The following INSC variants were observed in gnomAD, a reference collection of about 807,000 sequenced individuals.
The protein encoded by INSC is protein inscuteable homolog.
INSC carries 67 observed loss-of-function variants against 58.6 expected under a neutral mutation model. That is an observed-to-expected ratio of 1.14 (90% CI 0.94 to 1.40). The LOEUF (loss-of-function observed/expected upper bound fraction) is 1.40, where lower values mean the gene tolerates loss of function less well. INSC is among the 40% of genes most tolerant of loss of function. The pLI is 0.00. For synonymous variants in INSC, 262 were observed against 276.1 expected (o/e 0.95, Z 0.51); for missense variants, 714 against 692.0 (o/e 1.03, Z -0.36).
the INSC span, among the ~76,000 whole-genome samples, chr11:15,264,800 T>C: frequency 1.3e-5 from 2 of 152,088 alleles, no homozygotes; most frequent in African/African-American, 2.4e-5. Context: ...ATCTGCAAGT[T>C]TTCTTTTGCC....
At chr11:15,240,108 A>T (rs578103534) in intron 11 of INSC, among the ~76,000 whole-genome samples, 34 of 152,296 alleles carry the variant, frequency 2.2e-4, no homozygotes, top group Admixed American at 1.6e-3. Context: ...CCTAGGAAAT[A>T]TTAGTAGAGT....
At chr11:15,207,693 G>T (rs1029885710) in intron 7 of INSC, among the ~76,000 whole-genome samples, 2 of 152,184 alleles carry the variant, frequency 1.3e-5, no homozygotes, top group Non-Finnish European at 2.9e-5. Flanking sequence ...TTTTACAGGG[G>T]TCTGTCTCCA....
intron 7 of INSC, among the ~76,000 whole-genome samples, chr11:15,201,681 A>C (rs2133885321): frequency 6.6e-6 from 1 of 152,330 alleles, no homozygotes; most frequent in East Asian, 1.9e-4. Context: ...CTGGGGAGGC[A>C]GGGGCTGAAA....
chr11:15,200,153 T>TCACACACACA (rs57120673), intron 6 of INSC, among the ~76,000 whole-genome samples: 23 of 146,830 alleles, frequency 1.6e-4, no homozygotes, highest in African/African-American at 5.1e-4. Flanking sequence ...AAGGGTTATA[T>TCACACACACA]CACACACACA....
intron 1 of INSC, among the ~76,000 whole-genome samples, chr11:15,138,333 T>C (rs1330646281): frequency 6.6e-6 from 1 of 152,082 alleles, no homozygotes; most frequent in Non-Finnish European, 1.5e-5. Context: ...TTGGCACTGA[T>C]AGATTTGTTT....
At chr11:15,239,101 G>A in intron 11 of INSC, 27 bp downstream of exon 11, 2 of 1,597,126 alleles carry the variant, frequency 1.3e-6, no homozygotes, top group Non-Finnish European at 1.7e-6. Context: ...GGCTGTGGCT[G>A]GAGTGGAGTG....
At chr11:15,207,828 G>T (rs947719499) in intron 7 of INSC, among the ~76,000 whole-genome samples, 1 of 152,326 alleles carries the variant, frequency 6.6e-6, no homozygotes, top group East Asian at 1.9e-4. Flanking sequence ...ATGCCCATTT[G>T]CTTTTCACGG....
rs576526521 is a variant in INSC, at chr11:15,185,887, T to A, written c.580-4814T>A. Among the ~76,000 whole-genome samples the A allele has an allele frequency of 2.6e-3, 395 of 152,326 alleles. 2 individuals carry two copies. Among genetic ancestry groups the A allele is most frequent in the African/African-American group, 8.7e-3 (361 of 41,550 alleles). On this transcript the variant is annotated intron_variant, in intron 5 of 12. Coordinates refer to ENST00000379556, the MANE Select transcript of INSC (RefSeq NM_001042536.3). ...TGATAAAAAAATTTAGCTGTCAAAT[T>A]AAAAATGTGCAAGGGGTCATATATT...
Position 15,229,979 on chromosome 11 carries a change from TTA to T in INSC, c.1170+4184_1170+4185del, listed in dbSNP as rs1194544781. On this transcript the variant is annotated intron_variant, in intron 9 of 12. Transcript: ENST00000379556. ...ATATATTTATATATATATATATATA[TTA>T]TATATATATATATATATATATATAT... Among the ~76,000 whole-genome samples the T allele has an allele frequency of 7.9e-3, 260 of 32,850 alleles. 5 individuals carry two copies. The highest frequency in any genetic ancestry group is 9.6e-3 in the Non-Finnish European group (184 of 19,166). The allele number at this position is 32,850 out of a possible 152,430, so 21.6% of individuals were successfully genotyped here.
intron 7 of INSC, among the ~76,000 whole-genome samples, chr11:15,212,331 C>T (rs928360130): frequency 6.6e-6 from 1 of 152,022 alleles, no homozygotes; most frequent in Non-Finnish European, 1.5e-5. Flanking sequence ...AACTCCTGAC[C>T]TCAGGTGATC....
At chr11:15,152,598 G>A (rs1023154057) in intron 2 of INSC, among the ~76,000 whole-genome samples, 3 of 152,156 alleles carry the variant, frequency 2.0e-5, no homozygotes, top group African/African-American at 7.2e-5. Context: ...TGCTTCAGAG[G>A]AACTCTCCAG....
At chr11:15,240,048 C>T (rs1390204380) in intron 11 of INSC, among the ~76,000 whole-genome samples, 1 of 152,114 alleles carries the variant, frequency 6.6e-6, no homozygotes, top group African/African-American at 2.4e-5. Context: ...AAAAAGAAGT[C>T]AGTCTGCATT....
At chr11:15,123,296 G>A (rs1847917648) in intron 1 of INSC, among the ~76,000 whole-genome samples, 1 of 152,146 alleles carries the variant, frequency 6.6e-6, no homozygotes, top group Admixed American at 6.5e-5. Flanking sequence ...AATCATTAAT[G>A]CTTACTTTCT....
At chr11:15,264,063 G>A in the INSC span, among the ~76,000 whole-genome samples, 2 of 146,804 alleles carry the variant, frequency 1.4e-5, no homozygotes, top group Admixed American at 1.4e-4. Flanking sequence ...AGTTAGATTG[G>A]ACCCACCTGG....
At chr11:15,172,306 T>A (rs1228874463) in intron 2 of INSC, among the ~76,000 whole-genome samples, 2 of 152,314 alleles carry the variant, frequency 1.3e-5, no homozygotes, top group Middle Eastern at 3.4e-3. Context: ...ATCGTGTCAA[T>A]CTCGGGGCAC....
At chr11:15,240,656 G>T in intron 12 of INSC, 133 bp downstream of exon 12, 3 of 693,882 alleles carry the variant, frequency 4.3e-6, no homozygotes, top group Non-Finnish European at 7.8e-6. Flanking sequence ...TTTCTCTTTA[G>T]GATTGTGAAC....
In INSC at chr11:15,176,198, C is replaced by A. The variant is rs184982654; in HGVS notation, c.402+112C>A. The A allele has an allele frequency of 3.0e-5, 25 of 836,742 alleles. No homozygotes were observed. In the East Asian group the frequency reaches 4.9e-4, roughly 16 times the overall value. The allele number at this position is 836,742 out of a possible 1,614,324, so 51.8% of individuals were successfully genotyped here. A position where few individuals can be genotyped will look rare whatever the true frequency, so the allele number is the denominator to read the frequency against. The stretch of plus-strand genomic sequence containing the variant: ...TCTTTTTTGCTCCAGAAGCCTTTCT[C>A]CCCTTCCAGTAAAGGAGGAAAGAAA... On this transcript the variant is annotated intron_variant, in intron 3 of 12. Transcript: ENST00000379556.
intron 5 of INSC, among the ~76,000 whole-genome samples, chr11:15,180,926 T>A (rs1849756596): frequency 6.6e-6 from 1 of 152,170 alleles, no homozygotes; most frequent in Non-Finnish European, 1.5e-5. Context: ...CATCAGGAGA[T>A]ATATTGACTG....
intron 1 of INSC, among the ~76,000 whole-genome samples, chr11:15,135,370 C>T (rs1300888146): frequency 1.3e-5 from 2 of 152,136 alleles, no homozygotes; most frequent in African/African-American, 4.8e-5. Flanking sequence ...ATCATGTGGC[C>T]CATGTACCTT....
Sources: allele counts gnomAD v4.1 joint callset (sites outside exome capture counted in the v4.1 genomes callset), GRCh38; gene constraint gnomAD v4.1.1; transcripts MANE v1.5; gene names NCBI Gene and HGNC (gene_info 2026-07-23, HGNC 2026-07-21).